ANO10: variants seen among roughly 807,000 people sequenced by gnomAD.
ANO10 encodes anoctamin 10.
In ANO10, 77 loss-of-function variants were observed where a neutral mutation model predicts 74.7. The observed-to-expected ratio is 1.03, with a 90% CI of 0.86 to 1.25. The LOEUF (loss-of-function observed/expected upper bound fraction) is 1.25, where lower values mean the gene tolerates loss of function less well. Among genes scored for constraint, ANO10 ranks in the 50% most tolerant of loss-of-function variants. The pLI is 0.00. For missense variants in ANO10, 721 were observed against 778.1 expected, an observed-to-expected ratio of 0.93 and a Z score of 0.87; for synonymous variants, 279 against 284.9, an observed-to-expected ratio of 0.98 and a Z score of 0.21.
At chr3:43,593,413 A>G (rs910001002) in intron 4 of ANO10, among the ~76,000 whole-genome samples, 1 of 152,262 alleles carries the variant, frequency 6.6e-6, no homozygotes, top group African/African-American at 2.4e-5. Context: ...CAGATCTCTC[A>G]GCAGAAACTC....
Position 43,617,711 on chromosome 3 carries a change from T to G in ANO10, c.-12+4198A>C, listed in dbSNP as rs140035876. On this transcript the variant is annotated intron_variant, in intron 1 of 12. Coordinates refer to ENST00000292246, the MANE Select transcript of ANO10 (RefSeq NM_018075.5). ...GATTCTTTATTCTGGGGATTATTCT[T>G]TTCCTGAATTTGGGTAAAGAAAAAA... Among the ~76,000 whole-genome samples the G allele has an allele frequency of 2.8e-4, 42 of 152,254 alleles. No individual in the cohort carries two copies. In the East Asian group the frequency reaches 7.2e-3, roughly 26 times the overall value.
chr3:43,438,822 A>G (rs1168282413), intron 11 of ANO10, among the ~76,000 whole-genome samples: 2 of 152,182 alleles, frequency 1.3e-5, no homozygotes, highest in Admixed American at 6.5e-5. Context: ...AGTGAACTCA[A>G]AGATAGGTCA....
chr3:43,423,141 G>A (rs993696091), intron 12 of ANO10, among the ~76,000 whole-genome samples: 4 of 151,262 alleles, frequency 2.6e-5, no homozygotes, highest in African/African-American at 7.3e-5. Flanking sequence ...AAGGATTTGA[G>A]CTTTATCAAG....
At chr3:43,497,433 C>T (rs1318598760) in intron 11 of ANO10, among the ~76,000 whole-genome samples, 1 of 152,210 alleles carries the variant, frequency 6.6e-6, no homozygotes, top group Admixed American at 6.5e-5. Context: ...GAACTGTCTT[C>T]AGAGTTTCAA....
intron 1 of ANO10, among the ~76,000 whole-genome samples, chr3:43,672,486 G>A (rs1045606435): frequency 6.6e-6 from 1 of 152,140 alleles, no homozygotes. Flanking sequence ...AGATGTAATT[G>A]CACCACTGCA....
intron 10 of ANO10, among the ~76,000 whole-genome samples, chr3:43,554,631 A>G (rs1357484178): frequency 6.6e-6 from 1 of 152,180 alleles, no homozygotes; most frequent in Non-Finnish European, 1.5e-5. Context: ...TATTACTACC[A>G]GGTAGAGGTA....
At chr3:43,485,650 C>T (rs1166270761) in intron 11 of ANO10, 3 of 183,700 alleles carry the variant, frequency 1.6e-5, no homozygotes, top group South Asian at 1.1e-4. Context: ...AGCCAGCTGT[C>T]GAAGTTCTTC....
chr3:43,662,409 A>G (rs2083936769), intron 1 of ANO10, among the ~76,000 whole-genome samples: 1 of 152,212 alleles, frequency 6.6e-6, no homozygotes, highest in Non-Finnish European at 1.5e-5. Context: ...TTAAAGCAGC[A>G]GTGTGTAGAG....
At chr3:43,515,588 G>C (rs1398070520) in intron 11 of ANO10, among the ~76,000 whole-genome samples, 1 of 152,062 alleles carries the variant, frequency 6.6e-6, no homozygotes, top group Non-Finnish European at 1.5e-5. Flanking sequence ...GGAGAACCTA[G>C]AGAAATACAA....
intron 1 of ANO10, among the ~76,000 whole-genome samples, chr3:43,632,637 T>C (rs931723853): frequency 6.6e-6 from 1 of 152,264 alleles, no homozygotes; most frequent in Non-Finnish European, 1.5e-5. Context: ...ATCTGTTTCC[T>C]GCCAGGACTG....
upstream of ANO10, among the ~76,000 whole-genome samples, chr3:43,624,756 A>G (rs2170219): frequency 0.78 from 118,308 of 152,142 alleles, 46,553 homozygotes; most frequent in East Asian, 0.89. Flanking sequence ...TGGACACACC[A>G]GACAAAGAGA....
At chr3:43,540,051 A>T (rs2078889405) in intron 11 of ANO10, among the ~76,000 whole-genome samples, 1 of 152,232 alleles carries the variant, frequency 6.6e-6, no homozygotes, top group Non-Finnish European at 1.5e-5. Flanking sequence ...TCAACAAAAC[A>T]AGTATTTCCC....
chr3:43,427,709 A>T (rs762362401), intron 12 of ANO10, among the ~76,000 whole-genome samples: 6 of 152,204 alleles, frequency 3.9e-5, no homozygotes, highest in Non-Finnish European at 8.8e-5. Context: ...CAGTGAGTTG[A>T]GGCTACTCAT....
At chr3:43,393,010 T>C (rs1269146079) in intron 12 of ANO10, among the ~76,000 whole-genome samples, 1 of 152,212 alleles carries the variant, frequency 6.6e-6, no homozygotes, top group Non-Finnish European at 1.5e-5. Flanking sequence ...TAAATCCAAA[T>C]AGGCACAGAT....
chr3:43,510,399 C>G (rs532529292), intron 11 of ANO10, among the ~76,000 whole-genome samples: 223 of 148,476 alleles, frequency 1.5e-3, no homozygotes, highest in African/African-American at 5.4e-3. Context: ...CCATTGCACT[C>G]CAGCCTAGGA....
In ANO10 at chr3:43,561,372, T is replaced by C; in HGVS notation, c.1324A>G (p.Ile442Val). ...SLATLLITSQ[I>V]LNQIMESFLP... Reference sequence around the variant, plus strand: ...AAAGATTCCATAATTTGGTTGAGGATCTGGGAGGTAATTAGGAGAGTGGCC... The same window carrying C: ...AAAGATTCCATAATTTGGTTGAGGACCTGGGAGGTAATTAGGAGAGTGGCC... The change falls in exon 9 of 13, where the codon ATC (isoleucine) becomes GTC (valine). Residue 442 changes from isoleucine to valine, a missense_variant. Transcript: ENST00000292246. 1 of 1,614,152 alleles carries C rather than the reference T, an allele frequency of 6.2e-7. No homozygotes were observed. Among genetic ancestry groups the C allele is most frequent in the Non-Finnish European group, 8.5e-7 (1 of 1,180,016 alleles).
intron 5 of ANO10, 75 bp downstream of exon 5, chr3:43,580,278 C>G (rs928875401): frequency 7.5e-6 from 12 of 1,593,712 alleles, no homozygotes; most frequent in African/African-American, 6.7e-5. Flanking sequence ...CCCAAGGGAG[C>G]TGACTCCACT....
At chr3:43,443,829 C>T (rs1329254136) in intron 11 of ANO10, among the ~76,000 whole-genome samples, 2 of 151,696 alleles carry the variant, frequency 1.3e-5, no homozygotes, top group African/African-American at 4.8e-5. Flanking sequence ...TACAGGCATG[C>T]ACCACCACGC....
intron 12 of ANO10, among the ~76,000 whole-genome samples, chr3:43,410,590 A>T (rs2092649251): frequency 6.6e-6 from 1 of 152,182 alleles, no homozygotes; most frequent in African/African-American, 2.4e-5. Context: ...TTCTGTGTTT[A>T]TATTTTCTTA....
Sources: allele counts gnomAD v4.1 joint callset (sites outside exome capture counted in the v4.1 genomes callset), GRCh38; gene constraint gnomAD v4.1.1; transcripts MANE v1.5; gene names NCBI Gene and HGNC (gene_info 2026-07-23, HGNC 2026-07-21).